Variants in LRRC61 observed in about 807,000 individuals in gnomAD.
LRRC61 encodes leucine-rich repeat-containing protein 61.
A neutral mutation model predicts 15.1 loss-of-function variants in LRRC61; 9 were observed. The observed-to-expected ratio is 0.60, with a 90% confidence interval of 0.36 to 1.04. The LOEUF is 1.04. LRRC61 is among the 50% of genes least tolerant of loss of function. The pLI, the probability that LRRC61 is intolerant of heterozygous loss-of-function variation, is 0.01. For synonymous variants in LRRC61, 173 were observed against 158.6 expected (o/e 1.09, Z -0.68); for missense variants, 344 against 335.6 (o/e 1.03, Z -0.20).
the LRRC61 span, among the ~76,000 whole-genome samples, chr7:150,314,457 G>A: frequency 6.6e-6 from 1 of 152,070 alleles, no homozygotes; most frequent in Non-Finnish European, 1.5e-5. Flanking sequence ...TCAGAAGAAG[G>A]AAATAGGGAA....
In LRRC61 at chr7:150,330,907, G is replaced by GC; in HGVS notation, c.-145+4898dup. 1.2e-6 allele frequency: 2 copies of GC among 1,612,710 alleles called. No individual in the cohort carries two copies. Among genetic ancestry groups the GC allele is most frequent in the Non-Finnish European group, 1.7e-6 (2 of 1,179,652 alleles). On this transcript the variant is annotated intron_variant, in intron 2 of 2. Coordinates refer to ENST00000359623, the MANE Select transcript of LRRC61 (RefSeq NM_001142928.2). This position sits in a 1 kb window ranked among gnomAD's most constrained non-coding sequence, Gnocchi z 4.6. ...TTCCTGCTGGCCCAGAGGGAGAAGGGCTTGCTGGAGAGCATGGGGCTGCTG... is the reference window on the plus strand; with the variant it reads ...TTCCTGCTGGCCCAGAGGGAGAAGGGCCTTGCTGGAGAGCATGGGGCTGCTG...
intron 1 of LRRC61, among the ~76,000 whole-genome samples, chr7:150,324,849 C>A (rs1429927811): frequency 1.3e-5 from 2 of 152,154 alleles, no homozygotes; most frequent in African/African-American, 4.8e-5. Flanking sequence ...TGCTTCTCCC[C>A]CACTTCCTGC....
intron 2 of LRRC61, among the ~76,000 whole-genome samples, chr7:150,326,931 T>G (rs764298737): frequency 2.0e-5 from 3 of 152,198 alleles, no homozygotes; most frequent in Non-Finnish European, 4.4e-5. Flanking sequence ...TATTGGTGGC[T>G]GAAAGTTCTT....
chr7:150,333,935 CA>C lies in LRRC61; in HGVS notation c.-144-2782del. The C allele has an allele frequency of 2.0e-6, 2 of 985,322 alleles. No homozygotes were observed. The highest frequency in any genetic ancestry group is 2.4e-6 in the Non-Finnish European group (2 of 829,908). 61.0% of individuals were successfully genotyped at this position (985,322 alleles called of 1,614,324 possible). On this transcript the variant is annotated intron_variant, in intron 2 of 2. Transcript: ENST00000359623. This position sits in a 1 kb window ranked among gnomAD's most constrained non-coding sequence, Gnocchi z 4.3. Reference sequence around the variant, plus strand: ...GACCCCCAAGAGAATGAGGGTTATGCACGACCCATCACCAAGACCCAGGCCT... The same window carrying C: ...GACCCCCAAGAGAATGAGGGTTATGCCGACCCATCACCAAGACCCAGGCCT...
Position 150,330,536 on chromosome 7 carries a change from A to T in LRRC61, c.-145+4526A>T. 1 of 777,654 alleles carries T rather than the reference A, an allele frequency of 1.3e-6. No individual in the cohort carries two copies. The highest frequency in any genetic ancestry group is 2.3e-4 in the Middle Eastern group (1 of 4,428). 48.2% of individuals were successfully genotyped at this position (777,654 alleles called of 1,614,324 possible). A position where few individuals can be genotyped will look rare whatever the true frequency, so the allele number is the denominator to read the frequency against. ...AGCAGAGTGTCGGGGAGAGGGGCGCAGCCATCCAGCTGGCTGAGGGGTTGG... is the reference window on the plus strand; with the variant it reads ...AGCAGAGTGTCGGGGAGAGGGGCGCTGCCATCCAGCTGGCTGAGGGGTTGG... On this transcript the variant is annotated intron_variant, in intron 2 of 2. Coordinates refer to ENST00000359623, the MANE Select transcript of LRRC61 (RefSeq NM_001142928.2). The surrounding 1 kb of genome is among the most constrained non-coding windows in gnomAD (Gnocchi z 4.6).
chr7:150,316,871 T>C, the LRRC61 span, among the ~76,000 whole-genome samples: 1 of 152,200 alleles, frequency 6.6e-6, no homozygotes, highest in Non-Finnish European at 1.5e-5. Context: ...CCGATATCTT[T>C]TAGATATTTA....
intron 2 of LRRC61, among the ~76,000 whole-genome samples, chr7:150,328,233 G>T (rs549524802): frequency 6.6e-6 from 1 of 152,294 alleles, no homozygotes; most frequent in East Asian, 1.9e-4. Context: ...GGAAATAGAG[G>T]AAGGGGAACA....
At chr7:150,324,050 A>C (rs190903627) in intron 1 of LRRC61, among the ~76,000 whole-genome samples, 1 of 152,230 alleles carries the variant, frequency 6.6e-6, no homozygotes, top group East Asian at 1.9e-4. Context: ...TAAGTAGTCA[A>C]ATTTGCGTGT....
At chr7:150,316,824 G>C in the LRRC61 span, among the ~76,000 whole-genome samples, 2 of 152,030 alleles carry the variant, frequency 1.3e-5, no homozygotes, top group Non-Finnish European at 2.9e-5. Flanking sequence ...AATTTTTCCT[G>C]GGATTACGTT....
chr7:150,326,877 C>G (rs1450375079), intron 2 of LRRC61, among the ~76,000 whole-genome samples: 1 of 152,120 alleles, frequency 6.6e-6, no homozygotes, highest in Non-Finnish European at 1.5e-5. Flanking sequence ...TTACCTAGCC[C>G]CTACACAAGC....
At chr7:150,312,502 C>T in the LRRC61 span, among the ~76,000 whole-genome samples, 1 of 152,138 alleles carries the variant, frequency 6.6e-6, no homozygotes, top group Non-Finnish European at 1.5e-5. Flanking sequence ...CTTTCCTGGC[C>T]TAAAAACTCA....
upstream of LRRC61, chr7:150,322,681 C>T (rs536164300): frequency 3.3e-5 from 5 of 152,360 alleles, no homozygotes; most frequent in South Asian, 1.0e-3. Context: ...CCTGGAGCTG[C>T]TCTGCCTATG....
At chr7:150,315,154 TA>T in the LRRC61 span, among the ~76,000 whole-genome samples, 1 of 148,760 alleles carries the variant, frequency 6.7e-6, no homozygotes, top group Admixed American at 6.7e-5. Flanking sequence ...ATTATTATTT[TA>T]AAAATACATA....
At chr7:150,314,707 C>G in the LRRC61 span, among the ~76,000 whole-genome samples, 1,673 of 149,748 alleles carry the variant, frequency 0.011, 35 homozygotes, top group African/African-American at 0.039. Context: ...CTTGGGAAGG[C>G]TGAGGTGGGT....
Position 150,337,186 on chromosome 7 carries a change from C to T in LRRC61, c.325C>T (p.Leu109=). 6.2e-7 allele frequency: 1 copy of T among 1,607,906 alleles called. No individual in the cohort carries two copies. Among genetic ancestry groups the T allele is most frequent in the Non-Finnish European group, 8.5e-7 (1 of 1,179,918 alleles). ...GAGTCTCAATGCCGCAGGCAACCTA[C>T]TGGCCACCCCGGGCCAGCTGCAGTG... ...LQSLNAAGNL[L]ATPGQLQCLA... The change falls in exon 3 of 3, where the codon CTG becomes TTG. Residue 109 remains leucine, a synonymous_variant. Transcript: ENST00000359623.
chr7:150,309,841 C>T, the LRRC61 span, among the ~76,000 whole-genome samples: 1 of 152,196 alleles, frequency 6.6e-6, no homozygotes, highest in Non-Finnish European at 1.5e-5. Context: ...GCCCGATCAC[C>T]TGGGAAAGCC....
chr7:150,326,237 G>T (rs1411759132), intron 2 of LRRC61, among the ~76,000 whole-genome samples: 1 of 152,212 alleles, frequency 6.6e-6, no homozygotes, highest in African/African-American at 2.4e-5. Context: ...AAGGCAGAGT[G>T]CTGGCTCATA....
At chr7:150,318,119 T>C in the LRRC61 span, among the ~76,000 whole-genome samples, 6 of 152,176 alleles carry the variant, frequency 3.9e-5, no homozygotes, top group African/African-American at 9.7e-5. Flanking sequence ...ACGAGAAGAA[T>C]AGAGTGAGGC....
the LRRC61 span, among the ~76,000 whole-genome samples, chr7:150,309,812 G>A: frequency 1.3e-5 from 2 of 152,148 alleles, no homozygotes; most frequent in Non-Finnish European, 2.9e-5. Flanking sequence ...TCTCGGCTTT[G>A]CGGCTGAAGA....
Sources: gnomAD v4.1 joint callset for allele counts (sites outside exome capture counted in the v4.1 genomes callset) on GRCh38, gnomAD v4.1.1 for gene constraint, Gnocchi (gnomAD v3.1) non-coding constraint, MANE v1.5 for transcripts, NCBI Gene and HGNC (gene_info 2026-07-23, HGNC 2026-07-21) for gene names.